CD8B2: variants seen among roughly 807,000 people sequenced by gnomAD.
CD8B2 encodes T-cell surface glycoprotein CD8 beta-2 chain.
CD8B2 carries 11 observed loss-of-function variants against 23.7 expected under a neutral mutation model. The ratio of observed to expected loss-of-function variants is 0.46; its 90% CI spans 0.29 to 0.77. CD8B2 has a LOEUF of 0.77. Ranked by LOEUF, CD8B2 falls within the 30% of genes least tolerant of loss-of-function variation. CD8B2 has a pLI of 0.09. For missense variants in CD8B2, 197 were observed against 270.5 expected (o/e 0.73, Z 1.91); for synonymous variants, 90 against 109.3 (o/e 0.82, Z 1.10).
At chr2:106,533,546 T>G (rs1019667257) in intron 5 of CD8B2, among the ~76,000 whole-genome samples, 2 of 152,098 alleles carry the variant, frequency 1.3e-5, no homozygotes, top group Non-Finnish European at 2.9e-5. Context: ...CCAGAGGAGC[T>G]GTAGCTGTTT....
intron 5 of CD8B2, among the ~76,000 whole-genome samples, chr2:106,529,996 G>A (rs529900222): frequency 2.2e-4 from 33 of 152,326 alleles, no homozygotes; most frequent in African/African-American, 7.7e-4. Context: ...TGAAGGATCA[G>A]GTCATCCCAC....
downstream of CD8B2, among the ~76,000 whole-genome samples, chr2:106,513,837 C>G (rs1679683093): frequency 6.6e-6 from 1 of 152,060 alleles, no homozygotes; most frequent in Admixed American, 6.5e-5. Context: ...CTAGCTGGGC[C>G]AGGGCAGAAG....
chr2:106,531,992 C>T (rs535468755), intron 5 of CD8B2, among the ~76,000 whole-genome samples: 17 of 152,360 alleles, frequency 1.1e-4, no homozygotes, highest in South Asian at 4.1e-4. Context: ...CATCCGCCAT[C>T]CCAGCAAAGT....
At chr2:106,499,010 G>A (rs1010712975) in intron 3 of CD8B2, among the ~76,000 whole-genome samples, 5 of 152,032 alleles carry the variant, frequency 3.3e-5, no homozygotes, top group African/African-American at 1.2e-4. Context: ...GGCTGGGCTG[G>A]GGGTGTCATT....
At chr2:106,512,871 G>T (rs1016206459), downstream of CD8B2, among the ~76,000 whole-genome samples, 2 of 152,154 alleles carry the variant, frequency 1.3e-5, no homozygotes, top group Non-Finnish European at 2.9e-5. Context: ...CCCAGGGCTC[G>T]CAGTCTTGCT....
At chr2:106,522,024 A>T (rs1401219470) in intron 5 of CD8B2, 1 of 152,174 alleles carries the variant, frequency 6.6e-6, no homozygotes, top group African/African-American at 2.4e-5. Flanking sequence ...TGGAGAAGAA[A>T]CATGAAGTCC....
At chr2:106,515,074 T>C (rs955310701), downstream of CD8B2, among the ~76,000 whole-genome samples, 7 of 152,190 alleles carry the variant, frequency 4.6e-5, no homozygotes, top group Non-Finnish European at 7.4e-5. Flanking sequence ...GATGTTAATC[T>C]CCTTTCGCAA....
At chr2:106,544,061 C>T (rs1454014375) in exon 6 of CD8B2, 9 of 398,494 alleles carry the variant, frequency 2.3e-5, no homozygotes, top group East Asian at 1.4e-4. Context: ...CTGCCTGATC[C>T]GCTTTGGTCA....
In CD8B2 at chr2:106,528,751, A is replaced by T. The variant is rs116389193; in HGVS notation, c.621-15241A>T. Among the ~76,000 whole-genome samples the T allele has an allele frequency of 2.5e-3, 386 of 152,348 alleles. 1 individual carries two copies. The highest frequency in any genetic ancestry group is 8.7e-3 in the African/African-American group (360 of 41,578). ...CACTGTGGATTGTTTAGCTCAGCCT[A>T]TTCCAGTTCCCTTCAGATGTTCAGC... is the stretch of plus-strand genomic sequence containing the variant. On this transcript the variant is annotated intron_variant, in intron 5 of 5. Transcript: ENST00000416057.
chr2:106,534,611 C>T (rs943672501), intron 5 of CD8B2, among the ~76,000 whole-genome samples: 11 of 152,054 alleles, frequency 7.2e-5, no homozygotes, highest in African/African-American at 2.7e-4. Context: ...CAGGGGAACG[C>T]CGGGTTCCCA....
At chr2:106,517,879 A>C (rs1679755798) in intron 5 of CD8B2, among the ~76,000 whole-genome samples, 1 of 151,636 alleles carries the variant, frequency 6.6e-6, no homozygotes, top group Non-Finnish European at 1.5e-5. Flanking sequence ...CGCCCGGCTA[A>C]TTTTTTTTGT....
chr2:106,507,260 G>T lies in CD8B2; in HGVS notation c.*320G>T. ...TTTCCCTGAGCTGGGACCTTTAGTG[G>T]TGGCCGTTTAGCCACCATCTTTGCA... On this transcript the variant is annotated 3_prime_UTR_variant, in exon 6 of 6. Transcript: ENST00000643224. 8.7e-7 allele frequency: 1 copy of T among 1,155,038 alleles called. No homozygotes were observed. Among genetic ancestry groups the T allele is most frequent in the South Asian group, 3.4e-5 (1 of 29,052 alleles). 71.5% of individuals were successfully genotyped at this position (1,155,038 alleles called of 1,614,324 possible). A position where few individuals can be genotyped will look rare whatever the true frequency, so the allele number is the denominator to read the frequency against.
chr2:106,524,860 C>G (rs1047628433), intron 5 of CD8B2, among the ~76,000 whole-genome samples: 1 of 152,156 alleles, frequency 6.6e-6, no homozygotes, highest in Admixed American at 6.5e-5. Flanking sequence ...TCTGCCCTAC[C>G]CCAGGCAGAG....
chr2:106,487,934 G>C (rs975084280), intron 1 of CD8B2, among the ~76,000 whole-genome samples: 19 of 152,086 alleles, frequency 1.2e-4, no homozygotes, highest in African/African-American at 4.3e-4. Context: ...CTCAGTTCTC[G>C]GAGGGCTAGG....
At chr2:106,539,010 T>C (rs1680133023) in intron 5 of CD8B2, among the ~76,000 whole-genome samples, 1 of 152,226 alleles carries the variant, frequency 6.6e-6, no homozygotes. Context: ...GCCGGGTTCT[T>C]GCAGCTGGTG....
chr2:106,541,550 G>A (rs140730552), intron 5 of CD8B2, among the ~76,000 whole-genome samples: 1 of 152,148 alleles, frequency 6.6e-6, no homozygotes, highest in Admixed American at 6.5e-5. Context: ...GGCCCAAAAC[G>A]TCAAAGGTAT....
intron 1 of CD8B2, among the ~76,000 whole-genome samples, chr2:106,489,569 T>C (rs79542679): frequency 6.6e-6 from 1 of 152,228 alleles, no homozygotes; most frequent in East Asian, 2.0e-4. Flanking sequence ...TGGCCTGCAA[T>C]GTCTCCCTTT....
Position 106,490,751 on chromosome 2 carries a change from G to A in CD8B2, c.44-123G>A, listed in dbSNP as rs1434615090. 4.7e-6 allele frequency: 7 copies of A among 1,502,130 alleles called. No individual in the cohort carries two copies. The African/African-American group carries it at 9.8e-5, about 21-fold the overall frequency. 93.1% of individuals were successfully genotyped at this position (1,502,130 alleles called of 1,614,324 possible). ...AACAGCTGTGCTCAACACACTCCCT[G>A]GACCCAGTAACTGGGCAGGTTCTTC... On this transcript the variant is annotated intron_variant, in intron 1 of 5. Coordinates refer to ENST00000643224, the MANE Select transcript of CD8B2 (RefSeq NM_001349727.2).
At chr2:106,511,868 G>C (rs1679637749), downstream of CD8B2, among the ~76,000 whole-genome samples, 1 of 152,176 alleles carries the variant, frequency 6.6e-6, no homozygotes, top group South Asian at 2.1e-4. Flanking sequence ...GCGTCGGTTT[G>C]AGATTCACAG....
Sources: allele counts gnomAD v4.1 joint callset (sites outside exome capture counted in the v4.1 genomes callset), GRCh38; gene constraint gnomAD v4.1.1; transcripts MANE v1.5; gene names NCBI Gene and HGNC (gene_info 2026-07-23, HGNC 2026-07-21).